The following FOXK1 variants were observed in gnomAD, a reference collection of about 807,000 sequenced individuals.
FOXK1 encodes forkhead box protein K1.
FOXK1 carries 19 observed loss-of-function variants against 51.9 expected under a neutral mutation model. The observed-to-expected ratio is 0.37, with a 90% CI of 0.26 to 0.54. FOXK1 has a LOEUF of 0.54. Ranked by LOEUF, FOXK1 falls within the 20% of genes least tolerant of loss-of-function variation. The pLI is 0.87. For missense variants in FOXK1, 870 were observed against 1,032.7 expected (o/e 0.84, Z 2.16); for synonymous variants, 537 against 482.6 (o/e 1.11, Z -1.48).
chr7:4,762,859 A>C lies in FOXK1; in HGVS notation c.*395A>C. 5.0e-6 allele frequency: 1 copy of C among 198,110 alleles called. No homozygotes were observed. Among genetic ancestry groups the C allele is most frequent in the East Asian group, 1.2e-4 (1 of 8,310 alleles). The allele number at this position is 198,110 out of a possible 1,614,324, so 12.3% of individuals were successfully genotyped here. A position where few individuals can be genotyped will look rare whatever the true frequency, so the allele number is the denominator to read the frequency against. On this transcript the variant is annotated 3_prime_UTR_variant, in exon 9 of 9. Transcript: ENST00000328914. The surrounding 1 kb of genome is among the most constrained non-coding windows in gnomAD (Gnocchi z 5.7). ...GCCTTTGTCCGGGAGGACAGACAGAAACGCAGCAAGGCACACACCAAGGCT... is the reference window on the plus strand; with the variant it reads ...GCCTTTGTCCGGGAGGACAGACAGACACGCAGCAAGGCACACACCAAGGCT...
intron 1 of FOXK1, 62 bp from the exon 2 acceptor site, chr7:4,740,776 G>A (rs1243282724): frequency 2.0e-6 from 3 of 1,515,536 alleles, no homozygotes; most frequent in African/African-American, 2.9e-5. Flanking sequence ...CACCTTCCCT[G>A]GGTGTTGGCG....
intron 1 of FOXK1, among the ~76,000 whole-genome samples, chr7:4,717,146 G>T (rs563716218): frequency 6.7e-6 from 1 of 148,860 alleles, no homozygotes; most frequent in East Asian, 2.0e-4. Flanking sequence ...AGGTGGTAGC[G>T]GGAGGCGTGT....
Position 4,730,060 on chromosome 7 carries a change from C to T in FOXK1, c.561-10778C>T, listed in dbSNP as rs769765443. Among the ~76,000 whole-genome samples, 2 of 152,302 alleles carry T rather than the reference C, an allele frequency of 1.3e-5. No individual in the cohort carries two copies. Among genetic ancestry groups the T allele is most frequent in the Non-Finnish European group, 2.9e-5 (2 of 68,026 alleles). ...CGGTCAGACCGTTGTCTGCGTTTTT[C>T]ACCGCGTGTCACCGACTCAGCATAT... On this transcript the variant is annotated intron_variant, in intron 1 of 8. Coordinates refer to ENST00000328914, the MANE Select transcript of FOXK1 (RefSeq NM_001037165.2). This position sits in a 1 kb window ranked among gnomAD's most constrained non-coding sequence, Gnocchi z 4.7.
At position 4,761,540 on chromosome 7, in the gene FOXK1, C is replaced by T. The variant is rs899924898; in HGVS notation, c.1921+252C>T. The stretch of plus-strand genomic sequence containing the variant: ...CTCAGGAGTTCGAGACCAGCCCGGG[C>T]AACATAGCAAGACCCCATCTCTACA... On this transcript the variant is annotated intron_variant, in intron 8 of 8. Coordinates refer to ENST00000328914, the MANE Select transcript of FOXK1 (RefSeq NM_001037165.2). The surrounding 1 kb of genome is among the most constrained non-coding windows in gnomAD (Gnocchi z 6.2). 1.3e-5 allele frequency among the ~76,000 whole-genome samples: 2 copies of T among 152,232 alleles called. No individual in the cohort carries two copies. Among genetic ancestry groups the T allele is most frequent in the Non-Finnish European group, 2.9e-5 (2 of 68,020 alleles).
Position 4,753,508 on chromosome 7 carries a change from G to A in FOXK1, c.747-951G>A, listed in dbSNP as rs1306692105. ...CACGGGGGCTCTAAGTCAGCTGAGA[G>A]GGGGGATGTCAGCATCACAGGTGGG... On this transcript the variant is annotated intron_variant, in intron 2 of 8. Coordinates refer to ENST00000328914, the MANE Select transcript of FOXK1 (RefSeq NM_001037165.2). This position sits in a 1 kb window ranked among gnomAD's most constrained non-coding sequence, Gnocchi z 4.9. Among the ~76,000 whole-genome samples the A allele has an allele frequency of 6.6e-6, 1 of 152,144 alleles. No individual in the cohort carries two copies. Among genetic ancestry groups the A allele is most frequent in the Non-Finnish European group, 1.5e-5 (1 of 68,022 alleles).
intron 5 of FOXK1, chr7:4,757,871 G>A (rs1780876738): frequency 6.6e-6 from 1 of 152,130 alleles, no homozygotes; most frequent in Non-Finnish European, 1.5e-5. Flanking sequence ...GTACCGAGGG[G>A]TGACTGCTGG....
intron 1 of FOXK1, among the ~76,000 whole-genome samples, chr7:4,705,996 A>ATATATACGTATATATACGTG (rs1562373092): frequency 4.7e-4 from 45 of 96,400 alleles, no homozygotes; most frequent in African/African-American, 1.5e-3. Flanking sequence ...ATATATACGT[A>ATATATACGTATATATACGTG]TATATACGTA....
At chr7:4,688,671 C>T (rs947630499) in intron 1 of FOXK1, among the ~76,000 whole-genome samples, 5 of 152,102 alleles carry the variant, frequency 3.3e-5, no homozygotes, top group African/African-American at 4.8e-5. Flanking sequence ...GCAGCCCCCA[C>T]GCCCGGCACC....
At position 4,753,735 on chromosome 7, in the gene FOXK1, C is replaced by T. The variant is rs1780807810; in HGVS notation, c.747-724C>T. ...GCCTTAGTGAGTTAGGGAAGCAGGC[C>T]AGAGCACACCCCTCAGCCGGACGGA... On this transcript the variant is annotated intron_variant, in intron 2 of 8. Transcript: ENST00000328914. The surrounding 1 kb of genome is among the most constrained non-coding windows in gnomAD (Gnocchi z 4.9). Among the ~76,000 whole-genome samples the T allele has an allele frequency of 6.6e-6, 1 of 152,188 alleles. No homozygotes were observed. Among genetic ancestry groups the T allele is most frequent in the Non-Finnish European group, 1.5e-5 (1 of 68,024 alleles).
chr7:4,707,184 A>C lies in FOXK1; in HGVS notation c.560+24316A>C, dbSNP rs1288302260. ...TGTTACCACCCCTGGTGCGGTGGACACAGACATTGCCCAAACACTAACGGA... is the reference window on the plus strand; with the variant it reads ...TGTTACCACCCCTGGTGCGGTGGACCCAGACATTGCCCAAACACTAACGGA... On this transcript the variant is annotated intron_variant, in intron 1 of 8. Transcript: ENST00000328914. The surrounding 1 kb of genome is among the most constrained non-coding windows in gnomAD (Gnocchi z 4.1). 6.6e-6 allele frequency among the ~76,000 whole-genome samples: 1 copy of C among 152,100 alleles called. No homozygotes were observed.
At chr7:4,727,829 C>A (rs1780400141) in intron 1 of FOXK1, among the ~76,000 whole-genome samples, 1 of 152,208 alleles carries the variant, frequency 6.6e-6, no homozygotes, top group Non-Finnish European at 1.5e-5. Context: ...GCCAGAGAAC[C>A]TCTCCTGTGG....
At position 4,770,067 on chromosome 7, in the gene FOXK1, A is replaced by C. The variant is rs746302501; in HGVS notation, c.*7603A>C. Reference sequence around the variant, plus strand: ...CTAGAACTGGCCCCTAAGTCTCCAAATGTGTTGGCTAAGCTGAAATGAGAG... The same window carrying C: ...CTAGAACTGGCCCCTAAGTCTCCAACTGTGTTGGCTAAGCTGAAATGAGAG... On this transcript the variant is annotated 3_prime_UTR_variant, in exon 9 of 9. Transcript: ENST00000328914. 1.3e-4 allele frequency: 20 copies of C among 152,266 alleles called. No individual in the cohort carries two copies. Among genetic ancestry groups the C allele is most frequent in the Non-Finnish European group, 2.6e-4 (18 of 68,038 alleles). The allele number at this position is 152,266 out of a possible 1,614,324, so 9.4% of individuals were successfully genotyped here. A position where few individuals can be genotyped will look rare whatever the true frequency, so the allele number is the denominator to read the frequency against.
chr7:4,705,607 G>A (rs1417444030), intron 1 of FOXK1, among the ~76,000 whole-genome samples: 1 of 147,100 alleles, frequency 6.8e-6, no homozygotes, highest in Non-Finnish European at 1.5e-5. Flanking sequence ...CGCAATGTCT[G>A]TTCACGGCAA....
chr7:4,713,497 T>G (rs1202128368), intron 1 of FOXK1, among the ~76,000 whole-genome samples: 3 of 151,866 alleles, frequency 2.0e-5, no homozygotes, highest in Non-Finnish European at 2.9e-5. Context: ...TGTTTTTTTT[T>G]TTGTTTTTTT....
chr7:4,757,403 G>A (rs1173795344), intron 5 of FOXK1, among the ~76,000 whole-genome samples: 1 of 152,060 alleles, frequency 6.6e-6, no homozygotes, highest in African/African-American at 2.4e-5. Flanking sequence ...CGAGGCAAGT[G>A]GATCACCTGA....
rs751702887 is a variant in FOXK1 at position 4,688,977 on chromosome 7, CA to C, written c.560+6110del. ...GGATCCCTTAATTTGTTCTCACCTG[CA>C]CTTTTTTTTTTTTTTGAGATGGAGT... On this transcript the variant is annotated intron_variant, in intron 1 of 8. Transcript: ENST00000328914. Among the ~76,000 whole-genome samples the C allele has an allele frequency of 2.5e-4, 37 of 149,772 alleles. 2 individuals are homozygous for C. Among genetic ancestry groups the C allele is most frequent in the Non-Finnish European group, 4.3e-4 (29 of 67,042 alleles).
intron 1 of FOXK1, among the ~76,000 whole-genome samples, chr7:4,687,395 C>T (rs557626843): frequency 9.2e-5 from 14 of 151,936 alleles, no homozygotes; most frequent in Non-Finnish European, 1.3e-4. Context: ...CAGGTTCAAG[C>T]GATTCTCCTG....
At chr7:4,708,234 G>C (rs954153629) in intron 1 of FOXK1, among the ~76,000 whole-genome samples, 5 of 152,186 alleles carry the variant, frequency 3.3e-5, no homozygotes, top group Middle Eastern at 3.2e-3. Context: ...TTTGGGTTCA[G>C]TTTTTATCCT....
intron 1 of FOXK1, among the ~76,000 whole-genome samples, chr7:4,737,294 A>C (rs1004892645): frequency 1.5e-4 from 23 of 152,356 alleles, no homozygotes; most frequent in African/African-American, 5.3e-4. Context: ...ATAGGAGAAC[A>C]TGGTCTGTTT....
Sources: allele counts gnomAD v4.1 joint callset (sites outside exome capture counted in the v4.1 genomes callset), GRCh38; gene constraint gnomAD v4.1.1; non-coding constraint Gnocchi (gnomAD v3.1); transcripts MANE v1.5; gene names NCBI Gene and HGNC (gene_info 2026-07-23, HGNC 2026-07-21).